ABCA13: variants seen among roughly 807,000 people sequenced by gnomAD.
ABCA13 encodes ATP binding cassette subfamily A member 13.
A neutral mutation model predicts 478.7 loss-of-function variants in ABCA13; 476 were observed. The ratio of observed to expected loss-of-function variants is 0.99; its 90% CI spans 0.92 to 1.07. ABCA13 has a LOEUF of 1.07. ABCA13 is among the 50% of genes least tolerant of loss of function. The pLI is 0.00. For missense variants in ABCA13, 6,060 were observed against 5,910.6 expected (o/e 1.03, Z -0.83); for synonymous variants, 2,252 against 2,158.9 (o/e 1.04, Z -1.20).
intron 32 of ABCA13, among the ~76,000 whole-genome samples, chr7:48,368,492 A>G (rs1812054087): frequency 6.6e-6 from 1 of 151,880 alleles, no homozygotes; most frequent in South Asian, 2.1e-4. Flanking sequence ...CCAAAGTCCA[A>G]AGAATCATTC....
intron 1 of ABCA13, among the ~76,000 whole-genome samples, chr7:48,181,557 CTT>C (rs1554326030): frequency 6.8e-6 from 1 of 146,564 alleles, no homozygotes; most frequent in Non-Finnish European, 1.5e-5. Context: ...AATGTTTTAT[CTT>C]TTTTTTTTTA....
In ABCA13 at chr7:48,219,335, GT is replaced by G; in HGVS notation, c.288-18del. On this transcript the variant is annotated intron_variant, in intron 3 of 61. Coordinates refer to ENST00000435803, the MANE Select transcript of ABCA13 (RefSeq NM_152701.5). ...TTCTTGTTAAAGAGTTTCACTTGCA[GT>G]ATTTATTCTGTTTAAAGTTTGTCTA... 1 of 1,589,868 alleles carries G rather than the reference GT, an allele frequency of 6.3e-7. No homozygotes were observed. Among genetic ancestry groups the G allele is most frequent in the Non-Finnish European group, 8.5e-7 (1 of 1,173,854 alleles).
chr7:48,641,062 A>G (rs1194360644), intron 59 of ABCA13, among the ~76,000 whole-genome samples: 3 of 152,194 alleles, frequency 2.0e-5, no homozygotes, highest in Non-Finnish European at 4.4e-5. Context: ...ACGAAATTTT[A>G]ATTTGAAAGA....
At chr7:48,553,297 A>G (rs1227252931) in intron 55 of ABCA13, among the ~76,000 whole-genome samples, 1 of 152,066 alleles carries the variant, frequency 6.6e-6, no homozygotes, top group Admixed American at 6.6e-5. Flanking sequence ...TCCCTTTTAC[A>G]TGCTGATTTC....
At chr7:48,303,863 G>A (rs1333611775) in intron 23 of ABCA13, among the ~76,000 whole-genome samples, 3 of 152,008 alleles carry the variant, frequency 2.0e-5, no homozygotes, top group South Asian at 2.1e-4. Flanking sequence ...CATCCAAGTC[G>A]TTAGTGCAGA....
At chr7:48,266,585 A>AT (rs939335796) in intron 15 of ABCA13, among the ~76,000 whole-genome samples, 2 of 151,624 alleles carry the variant, frequency 1.3e-5, no homozygotes, top group African/African-American at 4.8e-5. Context: ...AACTTGTGCC[A>AT]TTTTTTCTTG....
chr7:48,293,198 C>CCCCA lies in ABCA13; in HGVS notation c.8956-2499_8956-2498insACCC, dbSNP rs891287185. 3.7e-5 allele frequency among the ~76,000 whole-genome samples: 5 copies of CCCCA among 134,772 alleles called. 1 individual carries two copies. The highest frequency in any genetic ancestry group is 2.2e-4 in the Admixed American group (3 of 13,884). 88.4% of individuals were successfully genotyped at this position (134,772 alleles called of 152,430 possible). On this transcript the variant is annotated intron_variant, in intron 20 of 61. Coordinates refer to ENST00000435803, the MANE Select transcript of ABCA13 (RefSeq NM_152701.5). ...ATTTCCTGAGAAGTCTTCAGCCCCCCCCCCGCCACACACACACTAAATCTA... is the reference window on the plus strand; with the variant it reads ...ATTTCCTGAGAAGTCTTCAGCCCCCCCCCACCCCGCCACACACACACTAAATCTA...
At chr7:48,298,293 C>G (rs1177186685) in intron 22 of ABCA13, 73 bp from the exon 23 acceptor site, 2 of 1,382,764 alleles carry the variant, frequency 1.4e-6, no homozygotes, top group East Asian at 4.8e-5. Flanking sequence ...GTTGTAATAT[C>G]AAATTTTGTT....
chr7:48,499,940 AT>A (rs1332095561), intron 48 of ABCA13, among the ~76,000 whole-genome samples: 3 of 152,198 alleles, frequency 2.0e-5, no homozygotes, highest in Non-Finnish European at 4.4e-5. Context: ...GTCCATTGCA[AT>A]AATGTGTTTT....
Position 48,273,503 on chromosome 7 carries a change from G to A in ABCA13, c.3837G>A (p.Glu1279=). 1 of 1,596,928 alleles carries A rather than the reference G, an allele frequency of 6.3e-7. No individual in the cohort carries two copies. The highest frequency in any genetic ancestry group is 2.2e-5 in the East Asian group (1 of 44,472). The change falls in exon 17 of 62, where the codon GAG becomes GAA. Residue 1279 remains glutamate, a synonymous_variant. Coordinates refer to ENST00000435803, the MANE Select transcript of ABCA13 (RefSeq NM_152701.5). Reference sequence around the variant, plus strand: ...CATTCAACGAAAGTACAAGCAGAGAGTTTTTAAATTCTCTGCTTGAAGTTT... The same window carrying A: ...CATTCAACGAAAGTACAAGCAGAGAATTTTTAAATTCTCTGCTTGAAGTTT... ...TFPFNESTSR[E]FLNSLLEVFI... is the part of the protein sequence containing the mutation.
In ABCA13 at chr7:48,273,810, T is replaced by C. The variant is rs1336653809; in HGVS notation, c.4144T>C (p.Phe1382Leu). The C allele has an allele frequency of 3.7e-6, 6 of 1,611,678 alleles. No homozygotes were observed. The highest frequency in any genetic ancestry group is 1.1e-5 in the South Asian group (1 of 90,878). ...TATTCTAGACACGTTAAATTCCACA[T>C]TTTCCTCTGAGAACACAATTAGCAG... ...LRILDTLNSTFSSENTISSLK... is the reference protein window; with the variant it reads ...LRILDTLNSTLSSENTISSLK... The change falls in exon 17 of 62, where the codon TTT becomes CTT. Residue 1382 changes from phenylalanine (F) to leucine (L), a missense_variant. Physicochemically the swap from Phe to Leu is conservative, Grantham distance 22. This residue lies in a region of ABCA13 where 4,423 missense variants were observed against 4,309.1 expected (regional missense o/e 1.03). Coordinates refer to ENST00000435803, the MANE Select transcript of ABCA13 (RefSeq NM_152701.5).
At chr7:48,599,139 A>AAATTT (rs1013265397) in intron 58 of ABCA13, among the ~76,000 whole-genome samples, 1 of 151,842 alleles carries the variant, frequency 6.6e-6, no homozygotes, top group Non-Finnish European at 1.5e-5. Flanking sequence ...TTCTATTATA[A>AAATTT]AATTTTTCAT....
chr7:48,480,983 C>A, intron 45 of ABCA13, 53 bp from the exon 46 acceptor site: 1 of 1,153,788 alleles, frequency 8.7e-7, no homozygotes, highest in Non-Finnish European at 1.3e-6. Flanking sequence ...GTCAGTGAAC[C>A]AGTTTGTGAA....
intron 55 of ABCA13, among the ~76,000 whole-genome samples, chr7:48,540,998 A>C (rs1447559575): frequency 1.3e-5 from 2 of 152,146 alleles, no homozygotes; most frequent in Non-Finnish European, 2.9e-5. Context: ...GAAGTGAAGT[A>C]AGGAATTTAA....
chr7:48,328,061 A>G (rs927170486), intron 27 of ABCA13, among the ~76,000 whole-genome samples: 2 of 152,240 alleles, frequency 1.3e-5, no homozygotes, highest in African/African-American at 4.8e-5. Context: ...AAGCCTGATA[A>G]CTAACTTCCA....
In ABCA13 at chr7:48,171,489, G is replaced by C; in HGVS notation, c.6G>C (p.Gly2=). 2 of 1,536,088 alleles carry C rather than the reference G, an allele frequency of 1.3e-6. No individual in the cohort carries two copies. Among genetic ancestry groups the C allele is most frequent in the Non-Finnish European group, 1.7e-6 (2 of 1,146,882 alleles). ...GAGAGCAGGGAGCAGCAGGCATGGG[G>C]CATGCCGGGTGCCAGTTCAAAGCCC... The part of the protein sequence containing the change: M[G]HAGCQFKALL... The change falls in exon 1 of 62, where the codon GGG becomes GGC. Residue 2 remains glycine (G), a synonymous_variant. Transcript: ENST00000435803.
At chr7:48,636,972 A>G (rs1286163643) in intron 59 of ABCA13, among the ~76,000 whole-genome samples, 1 of 152,102 alleles carries the variant, frequency 6.6e-6, no homozygotes, top group Non-Finnish European at 1.5e-5. Flanking sequence ...TTATTATTAC[A>G]TTATTTATTT....
At chr7:48,525,940 C>A (rs1585703844) in intron 54 of ABCA13, among the ~76,000 whole-genome samples, 1 of 151,908 alleles carries the variant, frequency 6.6e-6, no homozygotes, top group Non-Finnish European at 1.5e-5. Context: ...CCTCCCTGTG[C>A]CCACGTGTTC....
chr7:48,269,050 A>G lies in ABCA13; in HGVS notation c.2076A>G (p.Gln692=), dbSNP rs1795250806. ...DWKMISDNYF[Q]FLNNLLKSPT... ...AAATGATCAGTGATAATTATTTTCA[A>G]TTTTTGAATAACTTACTCAAGTCTC... The change falls in exon 16 of 62, where the codon CAA becomes CAG. Residue 692 remains glutamine, a synonymous_variant. Transcript: ENST00000435803. 6.2e-7 allele frequency: 1 copy of G among 1,601,654 alleles called. No individual in the cohort carries two copies. Among genetic ancestry groups the G allele is most frequent in the African/African-American group, 1.3e-5 (1 of 74,760 alleles).
Sources: allele counts gnomAD v4.1 joint callset (sites outside exome capture counted in the v4.1 genomes callset), GRCh38; gene constraint gnomAD v4.1.1; regional missense constraint gnomAD v4.1.1; transcripts MANE v1.5; gene names NCBI Gene and HGNC (gene_info 2026-07-23, HGNC 2026-07-21).